Variants in MYO1E observed in about 807,000 individuals in gnomAD.
MYO1E encodes the protein myosin IE.
MYO1E carries 68 observed loss-of-function variants against 151.1 expected under a neutral mutation model. That is an observed-to-expected ratio of 0.45 (90% CI 0.37 to 0.55). The LOEUF (loss-of-function observed/expected upper bound fraction) is 0.55. MYO1E is among the 20% of genes least tolerant of loss of function. The pLI, the probability that MYO1E is intolerant of heterozygous loss-of-function variation, is 0.00. For missense variants in MYO1E, 1,363 were observed against 1,389.3 expected, an observed-to-expected ratio of 0.98 and a Z score of 0.30; for synonymous variants, 601 against 501.7, an observed-to-expected ratio of 1.20 and a Z score of -2.64.
chr15:59,249,571 T>C (rs2080151773), intron 4 of MYO1E, among the ~76,000 whole-genome samples: 1 of 152,160 alleles, frequency 6.6e-6, no homozygotes, highest in African/African-American at 2.4e-5. Flanking sequence ...TGGGCTGCAT[T>C]ATGCCATCTA....
At chr15:59,285,594 C>T (rs1395523186) in intron 1 of MYO1E, among the ~76,000 whole-genome samples, 4 of 152,060 alleles carry the variant, frequency 2.6e-5, no homozygotes, top group Admixed American at 1.3e-4. Flanking sequence ...AGTGATCCAC[C>T]CACCTTGGCC....
intron 1 of MYO1E, among the ~76,000 whole-genome samples, chr15:59,302,425 G>C (rs1365478685): frequency 1.3e-5 from 2 of 152,334 alleles, no homozygotes; most frequent in East Asian, 3.9e-4. Context: ...TTAGAAGTCA[G>C]AACACCTTAG....
intron 1 of MYO1E, among the ~76,000 whole-genome samples, chr15:59,314,038 C>T (rs2080569923): frequency 6.6e-6 from 1 of 152,198 alleles, no homozygotes; most frequent in Non-Finnish European, 1.5e-5. Context: ...GCTTTCAGGC[C>T]TGGGCTGAGT....
At chr15:59,187,667 G>A (rs1055272964) in intron 18 of MYO1E, among the ~76,000 whole-genome samples, 35 of 152,218 alleles carry the variant, frequency 2.3e-4, no homozygotes, top group African/African-American at 7.5e-4. Flanking sequence ...TAGCCAAGAA[G>A]TGGAAACAAC....
chr15:59,188,012 C>T (rs570935786), intron 18 of MYO1E, 106 bp downstream of exon 18: 59 of 858,370 alleles, frequency 6.9e-5, no homozygotes, highest in Admixed American at 3.0e-4. Context: ...TCTGTGAATA[C>T]GTTAAAAGCC....
intron 1 of MYO1E, among the ~76,000 whole-genome samples, chr15:59,279,729 C>T (rs11071423): frequency 0.51 from 78,149 of 152,060 alleles, 21,441 homozygotes; most frequent in Non-Finnish European, 0.61. Flanking sequence ...CACACCAAGC[C>T]AGCAACATTG....
intron 4 of MYO1E, among the ~76,000 whole-genome samples, chr15:59,248,955 A>C (rs967798613): frequency 6.6e-6 from 1 of 152,152 alleles, no homozygotes; most frequent in Admixed American, 6.5e-5. Flanking sequence ...CCTATGCAAT[A>C]ATGAATTGGG....
At chr15:59,236,367 T>TACACAC (rs1312557127) in intron 5 of MYO1E, among the ~76,000 whole-genome samples, 4 of 23,584 alleles carry the variant, frequency 1.7e-4, no homozygotes, top group Admixed American at 6.6e-4. Context: ...AAAAAAAATA[T>TACACAC]ATACACACAC....
intron 24 of MYO1E, among the ~76,000 whole-genome samples, chr15:59,158,937 AACAC>A (rs757827732): frequency 6.6e-6 from 1 of 152,196 alleles, no homozygotes; most frequent in Non-Finnish European, 1.5e-5. Context: ...GGGCCAAAGG[AACAC>A]ACTGTGGGTC....
intron 1 of MYO1E, among the ~76,000 whole-genome samples, chr15:59,314,135 G>T (rs1198115078): frequency 6.6e-6 from 1 of 152,174 alleles, no homozygotes; most frequent in East Asian, 1.9e-4. Context: ...CATTTTAGGG[G>T]TAGCCAGAGG....
chr15:59,183,071 T>C (rs1967063), intron 18 of MYO1E, among the ~76,000 whole-genome samples: 139,814 of 152,228 alleles, frequency 0.92, 64,260 homozygotes, highest in East Asian at 0.96. Flanking sequence ...CTCGCTGGCC[T>C]GCTGCTCACC....
intron 1 of MYO1E, among the ~76,000 whole-genome samples, chr15:59,276,322 C>G (rs568328991): frequency 1.3e-5 from 2 of 152,232 alleles, no homozygotes; most frequent in East Asian, 3.9e-4. Context: ...TTTGCTCCCC[C>G]CACTAAAAAT....
intron 2 of MYO1E, among the ~76,000 whole-genome samples, chr15:59,265,345 A>C (rs1414284415): frequency 5.3e-5 from 8 of 152,202 alleles, no homozygotes; most frequent in African/African-American, 1.9e-4. Flanking sequence ...TTGGTTACTC[A>C]ATAAATATGA....
At chr15:59,197,654 G>C (rs1239392812) in intron 16 of MYO1E, among the ~76,000 whole-genome samples, 1 of 152,166 alleles carries the variant, frequency 6.6e-6, no homozygotes, top group East Asian at 1.9e-4. Context: ...CACGCCCATG[G>C]GCTACCAAGC....
intron 17 of MYO1E, among the ~76,000 whole-genome samples, chr15:59,191,073 T>A (rs1431984554): frequency 6.6e-6 from 1 of 152,072 alleles, no homozygotes; most frequent in Non-Finnish European, 1.5e-5. Flanking sequence ...GAGTGGTGTT[T>A]AAGAGTCTCC....
intron 1 of MYO1E, among the ~76,000 whole-genome samples, chr15:59,322,534 T>C (rs1382640357): frequency 2.0e-5 from 3 of 152,206 alleles, no homozygotes; most frequent in Non-Finnish European, 2.9e-5. Context: ...TATGAGTGTT[T>C]AGTCAAGTGT....
rs115568129 is a variant in MYO1E, at chr15:59,204,566, C to T, written c.1616+834G>A. On this transcript the variant is annotated intron_variant, in intron 15 of 27. Coordinates refer to ENST00000288235, the MANE Select transcript of MYO1E (RefSeq NM_004998.4). Reference sequence around the variant, plus strand: ...ATGTAAATTACATCTTATGTGTTATCCAGGATCTTGAGAACCTTTTCAGGG... The same window carrying T: ...ATGTAAATTACATCTTATGTGTTATTCAGGATCTTGAGAACCTTTTCAGGG... Among the ~76,000 whole-genome samples, 816 of 152,232 alleles carry T rather than the reference C, an allele frequency of 5.4e-3. 13 individuals are homozygous for T. The highest frequency in any genetic ancestry group is 0.018 in the African/African-American group (761 of 41,530).
chr15:59,292,440 A>C (rs6494093), intron 1 of MYO1E, among the ~76,000 whole-genome samples: 3,385 of 152,356 alleles, frequency 0.022, 136 homozygotes, highest in African/African-American at 0.077. Flanking sequence ...CTGAAATTTA[A>C]AGTGCGTTAC....
In MYO1E at chr15:59,350,349, T is replaced by C. The variant is rs1451504292; in HGVS notation, c.3+22149A>G. Among the ~76,000 whole-genome samples, 1 of 152,302 alleles carries C rather than the reference T, an allele frequency of 6.6e-6. No individual in the cohort carries two copies. Among genetic ancestry groups the C allele is most frequent in the East Asian group, 1.9e-4 (1 of 5,182 alleles). Reference sequence around the variant, plus strand: ...TGACTCACAGTTTCATTACCTTCTATTCACCATGACTGTAGTCGTAGACAC... The same window carrying C: ...TGACTCACAGTTTCATTACCTTCTACTCACCATGACTGTAGTCGTAGACAC... On this transcript the variant is annotated intron_variant, in intron 1 of 27. Coordinates refer to ENST00000288235, the MANE Select transcript of MYO1E (RefSeq NM_004998.4). This position sits in a 1 kb window ranked among gnomAD's most constrained non-coding sequence, Gnocchi z 5.0.
Sources: allele counts gnomAD v4.1 joint callset (sites outside exome capture counted in the v4.1 genomes callset), GRCh38; gene constraint gnomAD v4.1.1; non-coding constraint Gnocchi (gnomAD v3.1); transcripts MANE v1.5; gene names NCBI Gene and HGNC (gene_info 2026-07-23, HGNC 2026-07-21).